LINGO2: variants seen among roughly 807,000 people sequenced by gnomAD.
The protein encoded by LINGO2 is leucine rich repeat and Ig domain containing 2.
Under a neutral mutation model 30.6 loss-of-function variants are expected in LINGO2, and 14 were observed. That is an observed-to-expected ratio of 0.46 (90% confidence interval 0.30 to 0.72). The LOEUF (loss-of-function observed/expected upper bound fraction) is 0.72. Among genes scored for constraint, LINGO2 ranks in the 30% least tolerant of loss-of-function variants. LINGO2 has a pLI of 0.07. For missense variants in LINGO2, 729 were observed against 751.7 expected, an observed-to-expected ratio of 0.97 and a Z score of 0.35; for synonymous variants, 317 against 288.5, an observed-to-expected ratio of 1.10 and a Z score of -1.00.
rs73435213 is a variant in LINGO2 at position 28,392,491 on chromosome 9, A to G, written c.-278-19623T>C. 1.8e-3 allele frequency among the ~76,000 whole-genome samples: 278 copies of G among 152,282 alleles called. 1 individual carries two copies. Among genetic ancestry groups the G allele is most frequent in the African/African-American group, 6.3e-3 (263 of 41,554 alleles). On this transcript the variant is annotated intron_variant, in intron 2 of 5. Transcript: ENST00000379992. Reference sequence around the variant, plus strand: ...AGTTCCACCTCATATGGGTGATGTTAAAGTTGAATGGAAGAGACGCATAAG... The same window carrying G: ...AGTTCCACCTCATATGGGTGATGTTGAAGTTGAATGGAAGAGACGCATAAG...
At chr9:29,172,319 G>T in the LINGO2 span, among the ~76,000 whole-genome samples, 1 of 144,666 alleles carries the variant, frequency 6.9e-6, no homozygotes, top group Admixed American at 6.9e-5. Context: ...CCAAATAGTG[G>T]TCTCATTAAT....
intron 1 of LINGO2, among the ~76,000 whole-genome samples, chr9:28,528,412 C>T (rs184835657): frequency 3.9e-4 from 59 of 152,244 alleles, no homozygotes; most frequent in Non-Finnish European, 3.4e-4. Context: ...ACAAAACCCT[C>T]AGCACCAACA....
chr9:28,040,124 C>CA (rs1168365823), intron 4 of LINGO2, among the ~76,000 whole-genome samples: 1 of 152,164 alleles, frequency 6.6e-6, no homozygotes, highest in Non-Finnish European at 1.5e-5. Flanking sequence ...GAATGATTAT[C>CA]ACTCCCTTCC....
At chr9:27,954,123 T>C (rs1393982367) in intron 5 of LINGO2, among the ~76,000 whole-genome samples, 1 of 152,242 alleles carries the variant, frequency 6.6e-6, no homozygotes, top group African/African-American at 2.4e-5. Flanking sequence ...GATATTTTGT[T>C]ACATGCATAG....
At chr9:28,560,787 C>T (rs937447413) in intron 1 of LINGO2, among the ~76,000 whole-genome samples, 1 of 151,980 alleles carries the variant, frequency 6.6e-6, no homozygotes, top group Non-Finnish European at 1.5e-5. Flanking sequence ...TCACCTCAAC[C>T]TCCCAAGTAG....
At chr9:28,711,123 T>TA in the LINGO2 span, among the ~76,000 whole-genome samples, 7 of 152,058 alleles carry the variant, frequency 4.6e-5, no homozygotes, top group East Asian at 1.9e-4. Flanking sequence ...GTATTTTAGG[T>TA]AAAAAAATGT....
chr9:28,312,718 T>A (rs1824679457), intron 3 of LINGO2, among the ~76,000 whole-genome samples: 1 of 152,158 alleles, frequency 6.6e-6, no homozygotes, highest in African/African-American at 2.4e-5. Context: ...ATTTTAATAG[T>A]TTTATTAGCA....
chr9:29,208,497 C>G, the LINGO2 span, among the ~76,000 whole-genome samples: 1 of 152,028 alleles, frequency 6.6e-6, no homozygotes, highest in African/African-American at 2.4e-5. Context: ...ATTTGACTTT[C>G]ATGACACATG....
intron 1 of LINGO2, among the ~76,000 whole-genome samples, chr9:28,477,081 T>C (rs1029691197): frequency 1.3e-5 from 2 of 152,186 alleles, no homozygotes; most frequent in Admixed American, 6.5e-5. Context: ...TCTAGGATCA[T>C]TTGCACTCTC....
chr9:28,463,917 T>G (rs1587708688), intron 2 of LINGO2, among the ~76,000 whole-genome samples: 1 of 152,138 alleles, frequency 6.6e-6, no homozygotes, highest in East Asian at 1.9e-4. Context: ...ATTTTTTATT[T>G]AAAGTTAGAG....
At chr9:29,059,056 T>A in the LINGO2 span, among the ~76,000 whole-genome samples, 8 of 151,696 alleles carry the variant, frequency 5.3e-5, no homozygotes, top group South Asian at 6.2e-4. Context: ...AGCATAAATA[T>A]GAAATAGTAT....
At chr9:28,828,619 C>A in the LINGO2 span, among the ~76,000 whole-genome samples, 1 of 150,932 alleles carries the variant, frequency 6.6e-6, no homozygotes, top group Non-Finnish European at 1.5e-5. Context: ...TTTTCCTATC[C>A]ACATTCCTAC....
chr9:28,749,830 A>C, the LINGO2 span, among the ~76,000 whole-genome samples: 1 of 152,038 alleles, frequency 6.6e-6, no homozygotes, highest in Non-Finnish European at 1.5e-5. Flanking sequence ...AAAGCTCACA[A>C]CCAAATTAAT....
chr9:28,774,041 TACACACAC>T, the LINGO2 span, among the ~76,000 whole-genome samples: 12,322 of 146,764 alleles, frequency 0.084, 601 homozygotes, highest in Non-Finnish European at 0.11. Flanking sequence ...TTCTTTTTGA[TACACACAC>T]ACACACACAC....
At chr9:28,456,291 T>C (rs1824843808) in intron 2 of LINGO2, among the ~76,000 whole-genome samples, 1 of 152,196 alleles carries the variant, frequency 6.6e-6, no homozygotes, top group African/African-American at 2.4e-5. Context: ...GGGTCTGGCC[T>C]GGCTTGTCAG....
chr9:28,056,524 C>A (rs184544313), intron 4 of LINGO2, among the ~76,000 whole-genome samples: 18 of 152,182 alleles, frequency 1.2e-4, no homozygotes, highest in African/African-American at 3.9e-4. Context: ...CCTTCACATC[C>A]CAGGGATACC....
At chr9:28,738,120 T>C in the LINGO2 span, among the ~76,000 whole-genome samples, 12 of 152,246 alleles carry the variant, frequency 7.9e-5, no homozygotes, top group African/African-American at 2.9e-4. Flanking sequence ...ATTTGGATTA[T>C]AGTGTCCAGA....
intron 4 of LINGO2, among the ~76,000 whole-genome samples, chr9:28,201,823 C>A (rs1340362672): frequency 6.6e-6 from 1 of 152,002 alleles, no homozygotes; most frequent in Non-Finnish European, 1.5e-5. Context: ...TTCCTCCTCC[C>A]CCTATTTAAA....
chr9:27,965,203 G>T (rs1377968539), intron 5 of LINGO2, among the ~76,000 whole-genome samples: 1 of 151,886 alleles, frequency 6.6e-6, no homozygotes, highest in African/African-American at 2.4e-5. Flanking sequence ...TGCTTGATGA[G>T]TCATTTGCCT....
Sources: gnomAD v4.1 joint callset for allele counts (sites outside exome capture counted in the v4.1 genomes callset) on GRCh38, gnomAD v4.1.1 for gene constraint, MANE v1.5 for transcripts, NCBI Gene and HGNC (gene_info 2026-07-23, HGNC 2026-07-21) for gene names.